TATDN3: variants seen among roughly 807,000 people sequenced by gnomAD.
TATDN3 encodes TatD DNase domain containing 3.
Under a neutral mutation model 40.1 loss-of-function variants are expected in TATDN3, and 29 were observed. The ratio of observed to expected loss-of-function variants is 0.72; its 90% CI spans 0.54 to 0.99. The LOEUF is 0.99. Ranked by LOEUF, TATDN3 falls within the 50% of genes least tolerant of loss-of-function variation. The pLI, the probability that TATDN3 is intolerant of heterozygous loss-of-function variation, is 0.00. For missense variants in TATDN3, 309 were observed against 321.9 expected (o/e 0.96, Z 0.31); for synonymous variants, 105 against 117.0 (o/e 0.90, Z 0.66).
chr1:212,797,213 A>C lies in TATDN3; in HGVS notation c.258+17A>C, dbSNP rs1661834539. 6.3e-7 allele frequency: 1 copy of C among 1,591,142 alleles called. No homozygotes were observed. The highest frequency in any genetic ancestry group is 8.6e-7 in the Non-Finnish European group (1 of 1,160,022). On this transcript the variant is annotated intron_variant, in intron 4 of 9. Transcript: ENST00000366974. ...ACACTAAAGGTAACAGTCATACAAA[A>C]CAGGAACCATTAAAAACAAACAAAC...
chr1:212,815,037 T>G lies in TATDN3; in HGVS notation c.706T>G (p.Ser236Ala). 6.2e-7 allele frequency: 1 copy of G among 1,613,882 alleles called. No individual in the cohort carries two copies. Among genetic ancestry groups the G allele is most frequent in the Non-Finnish European group, 8.5e-7 (1 of 1,179,962 alleles). Residue 236 changes from serine (S) to alanine (A), a missense_variant, in exon 10 of 10, where the codon TCT (serine) becomes GCT (alanine). Ser to Ala is a moderately conservative substitution (Grantham distance 99). Coordinates refer to ENST00000366974, the MANE Select transcript of TATDN3 (RefSeq NM_001042552.3). ...GGTACGGAATGAGCCCTGGAACATT[T>G]CTATTTCAGCAGAATATATTGCCCA... Reference protein sequence around the residue: ...KQVRNEPWNISISAEYIAQVK... With the variant: ...KQVRNEPWNIAISAEYIAQVK...
intron 7 of TATDN3, among the ~76,000 whole-genome samples, 161 bp from the exon 8 acceptor site, chr1:212,807,575 C>T (rs796983890): frequency 9.9e-5 from 15 of 152,218 alleles, no homozygotes; most frequent in African/African-American, 3.1e-4. Flanking sequence ...TATTTTTATT[C>T]CACTCTTTGA....
chr1:212,806,742 C>CCA (rs1558083512), intron 7 of TATDN3, among the ~76,000 whole-genome samples: 1 of 86,204 alleles, frequency 1.2e-5, no homozygotes, highest in African/African-American at 5.0e-5. Context: ...CTCTCTCTCT[C>CCA]TCTCCATATA....
chr1:212,797,307 G>T (rs1336994546), intron 4 of TATDN3, 111 bp downstream of exon 4: 25 of 791,950 alleles, frequency 3.2e-5, no homozygotes, highest in Non-Finnish European at 4.6e-5. Context: ...TCCAAAAGAA[G>T]GAAACATTAC....
At chr1:212,809,470 G>A (rs1421888481) in intron 8 of TATDN3, among the ~76,000 whole-genome samples, 1 of 151,772 alleles carries the variant, frequency 6.6e-6, no homozygotes, top group Non-Finnish European at 1.5e-5. Context: ...AGATCACGAG[G>A]TCAGGAGATC....
chr1:212,811,157 AT>A (rs375691803), intron 8 of TATDN3, among the ~76,000 whole-genome samples: 3,469 of 147,970 alleles, frequency 0.023, 63 homozygotes, highest in South Asian at 0.043. Context: ...TAATTTTTGT[AT>A]TTTTTTTTTC....
At chr1:212,798,615 T>G (rs1661974672) in intron 4 of TATDN3, among the ~76,000 whole-genome samples, 1 of 151,964 alleles carries the variant, frequency 6.6e-6, no homozygotes, top group African/African-American at 2.4e-5. Flanking sequence ...TATCCTGAAT[T>G]GTTAAGTATG....
intron 4 of TATDN3, among the ~76,000 whole-genome samples, chr1:212,801,880 T>TTC (rs757011464): frequency 6.6e-6 from 1 of 152,104 alleles, no homozygotes; most frequent in African/African-American, 2.4e-5. Context: ...TTCATCTTTG[T>TTC]TCTCTCTCTC....
chr1:212,795,088 G>A lies in TATDN3; in HGVS notation c.67-7G>A, dbSNP rs759787109. ...AAAATAATGGTGATTTCTTATGCTT[G>A]TTTTAGGATTTGGATGATGTGTTGG... is the stretch of plus-strand genomic sequence containing the variant. On this transcript the variant is annotated splice_polypyrimidine_tract_variant and splice_region_variant and intron_variant, in intron 1 of 9. Coordinates refer to ENST00000366974, the MANE Select transcript of TATDN3 (RefSeq NM_001042552.3). 3.7e-6 allele frequency: 6 copies of A among 1,610,052 alleles called. No individual in the cohort carries two copies. The highest frequency in any genetic ancestry group is 3.3e-5 in the Admixed American group (2 of 59,958).
Position 212,797,508 on chromosome 1 carries a change from G to A in TATDN3, c.258+312G>A, listed in dbSNP as rs144764996. The A allele has an allele frequency of 1.9e-4, 40 of 210,482 alleles. No individual in the cohort carries two copies. The East Asian group carries it at 4.2e-3, about 22-fold the overall frequency. The allele number at this position is 210,482 out of a possible 1,614,324, so 13.0% of individuals were successfully genotyped here. On this transcript the variant is annotated intron_variant, in intron 4 of 9. Coordinates refer to ENST00000366974, the MANE Select transcript of TATDN3 (RefSeq NM_001042552.3). ...CTTACTGTATAATATAGGGAGAAAA[G>A]CAGGATACCAAATAGCATATTCACT...
In TATDN3 at chr1:212,791,917, G is replaced by A. The variant is rs765598422; in HGVS notation, c.-5G>A. 67 of 1,613,346 alleles carry A rather than the reference G, an allele frequency of 4.2e-5. 1 individual carries two copies. The South Asian group carries it at 6.7e-4, about 16-fold the overall frequency. ...CCGGTCTAAAGCGGCAGCCGCCGGG[G>A]CGCAATGCGAGCGGCTGGCGTAGGC... On this transcript the variant is annotated 5_prime_UTR_variant, in exon 1 of 10. Transcript: ENST00000366974.
intron 2 of TATDN3, among the ~76,000 whole-genome samples, chr1:212,795,562 C>A (rs189308549): frequency 7.9e-5 from 12 of 152,028 alleles, no homozygotes; most frequent in Middle Eastern, 3.2e-3. Context: ...TGACCCACTA[C>A]GACCAGCCAA....
At chr1:212,806,529 C>T (rs923798317) in intron 7 of TATDN3, among the ~76,000 whole-genome samples, 1 of 150,490 alleles carries the variant, frequency 6.6e-6, no homozygotes, top group Non-Finnish European at 1.5e-5. Context: ...CACCACCACA[C>T]CCTGCTAATT....
chr1:212,814,216 T>C (rs1663068142), intron 9 of TATDN3, among the ~76,000 whole-genome samples: 1 of 152,234 alleles, frequency 6.6e-6, no homozygotes, highest in Non-Finnish European at 1.5e-5. Context: ...AACTTGCTAT[T>C]GGTCATCTAG....
rs1663146867 is a variant in TATDN3 at position 212,815,725 on chromosome 1, G to C, written c.*569G>C. The C allele has an allele frequency of 6.6e-6, 1 of 152,220 alleles. No homozygotes were observed. Among genetic ancestry groups the C allele is most frequent in the Non-Finnish European group, 1.5e-5 (1 of 68,122 alleles). 9.4% of individuals were successfully genotyped at this position (152,220 alleles called of 1,614,324 possible). A position where few individuals can be genotyped will look rare whatever the true frequency, so the allele number is the denominator to read the frequency against. On this transcript the variant is annotated 3_prime_UTR_variant, in exon 10 of 10. Coordinates refer to ENST00000366974, the MANE Select transcript of TATDN3 (RefSeq NM_001042552.3). ...TTTAGTAGAGACAGGGTTTCTCCAT[G>C]TTGGTCAGGCTGGTCTCGAACTCCC...
chr1:212,796,448 C>G (rs1050746513), intron 2 of TATDN3, 69 bp from the exon 3 acceptor site: 2 of 1,235,102 alleles, frequency 1.6e-6, no homozygotes, highest in African/African-American at 1.6e-5. Flanking sequence ...GCAGAGAAAA[C>G]TTTAAAATTT....
intron 7 of TATDN3, 29 bp from the exon 8 acceptor site, chr1:212,807,707 A>G (rs777270898): frequency 6.5e-7 from 1 of 1,533,122 alleles, no homozygotes; most frequent in Non-Finnish European, 8.9e-7. Flanking sequence ...CATAAAATGG[A>G]ATACTGCCTT....
Position 212,815,097 on chromosome 1 carries a change from G to A in TATDN3, c.766G>A (p.Val256Met). Reference protein sequence around the residue: ...KGISVEEVIEVTTQNALKLFP... With the variant: ...KGISVEEVIEMTTQNALKLFP... ...GATCTCAGTGGAAGAAGTTATAGAAGTGACGACACAGAATGCATTAAAACT... is the reference window on the plus strand; with the variant it reads ...GATCTCAGTGGAAGAAGTTATAGAAATGACGACACAGAATGCATTAAAACT... The change falls in exon 10 of 10, where the codon GTG becomes ATG. Residue 256 changes from valine (V) to methionine (M), a missense_variant. Physicochemically the swap from Val to Met is conservative, Grantham distance 21 (BLOSUM62 1). Coordinates refer to ENST00000366974, the MANE Select transcript of TATDN3 (RefSeq NM_001042552.3). The A allele has an allele frequency of 1.2e-6, 2 of 1,614,134 alleles. No homozygotes were observed. Among genetic ancestry groups the A allele is most frequent in the Admixed American group, 1.7e-5 (1 of 59,994 alleles).
chr1:212,801,274 G>T (rs1662162717), intron 4 of TATDN3, among the ~76,000 whole-genome samples: 1 of 148,108 alleles, frequency 6.8e-6, no homozygotes, highest in Admixed American at 6.7e-5. Context: ...AGTGGGGATA[G>T]AACTGAGGGC....
Sources: allele counts gnomAD v4.1 joint callset (sites outside exome capture counted in the v4.1 genomes callset), GRCh38; gene constraint gnomAD v4.1.1; transcripts MANE v1.5; gene names NCBI Gene and HGNC (gene_info 2026-07-23, HGNC 2026-07-21).